The following PRKCE variants were observed in gnomAD, a reference collection of about 807,000 sequenced individuals.
PRKCE encodes protein kinase C epsilon type.
In PRKCE, 16 loss-of-function variants were observed where a neutral mutation model predicts 85.4. The ratio of observed to expected loss-of-function variants is 0.19; its 90% confidence interval spans 0.13 to 0.28. PRKCE has a LOEUF of 0.28. Among genes scored for constraint, PRKCE ranks in the 10% least tolerant of loss-of-function variants. The pLI is 1.00. For synonymous variants in PRKCE, 388 were observed against 371.5 expected (o/e 1.04, Z -0.51); for missense variants, 573 against 975.2 (o/e 0.59, Z 5.49).
rs550087635 is a variant in PRKCE, at chr2:46,001,756, A to G, written c.966+210A>G. 5.3e-5 allele frequency among the ~76,000 whole-genome samples: 8 copies of G among 152,376 alleles called. No homozygotes were observed. The highest frequency in any genetic ancestry group is 8.8e-5 in the Non-Finnish European group (6 of 68,024). On this transcript the variant is annotated intron_variant, in intron 7 of 14. Coordinates refer to ENST00000306156, the MANE Select transcript of PRKCE (RefSeq NM_005400.3). The surrounding 1 kb of genome is among the most constrained non-coding windows in gnomAD (Gnocchi z 4.4). ...AGCTCCAAAAGTGGACTGAAAACAC[A>G]GCAAGCCTCAAGGGTTACGTTTGCC... is the stretch of plus-strand genomic sequence containing the variant.
chr2:46,104,590 C>T (rs1045968444), intron 11 of PRKCE, among the ~76,000 whole-genome samples: 3 of 152,086 alleles, frequency 2.0e-5, no homozygotes, highest in African/African-American at 7.2e-5. Context: ...TTATGATCCT[C>T]TTATTAAGAG....
At chr2:45,864,436 C>A (rs1404139591) in intron 2 of PRKCE, among the ~76,000 whole-genome samples, 1 of 152,174 alleles carries the variant, frequency 6.6e-6, no homozygotes, top group Admixed American at 6.5e-5. Context: ...GAACAATAGA[C>A]TGTCCTAAGT....
intron 1 of PRKCE, among the ~76,000 whole-genome samples, chr2:45,675,071 A>G (rs558391086): frequency 2.0e-5 from 3 of 152,320 alleles, no homozygotes; most frequent in South Asian, 2.1e-4. Flanking sequence ...AAAGGAAGGG[A>G]TGAGGTGAGA....
chr2:45,851,373 A>G (rs1311021430), intron 2 of PRKCE, among the ~76,000 whole-genome samples: 1 of 152,226 alleles, frequency 6.6e-6, no homozygotes, highest in African/African-American at 2.4e-5. Context: ...AACTGGGGGC[A>G]CAGAAGTGAA....
At chr2:46,076,045 C>T (rs1436211926) in intron 10 of PRKCE, among the ~76,000 whole-genome samples, 2 of 152,190 alleles carry the variant, frequency 1.3e-5, no homozygotes, top group African/African-American at 4.8e-5. Context: ...ATGATTCAGC[C>T]TGGACATTGA....
chr2:45,972,715 G>C (rs1203127803), intron 2 of PRKCE, among the ~76,000 whole-genome samples: 1 of 152,218 alleles, frequency 6.6e-6, no homozygotes, highest in South Asian at 2.1e-4. Context: ...TTATTGAAGA[G>C]AATATCCTTT....
chr2:45,972,050 A>T (rs371840793), intron 2 of PRKCE, among the ~76,000 whole-genome samples: 5 of 152,200 alleles, frequency 3.3e-5, no homozygotes, highest in Non-Finnish European at 7.3e-5. Context: ...ACTGTTTCCT[A>T]TAGTGGCTGT....
intron 10 of PRKCE, among the ~76,000 whole-genome samples, chr2:46,065,916 C>T (rs978783093): frequency 1.3e-5 from 2 of 152,140 alleles, no homozygotes; most frequent in African/African-American, 4.8e-5. Context: ...TGCCTCTTGC[C>T]CATGGGGCCA....
In PRKCE at chr2:46,159,788, T is replaced by G; in HGVS notation, c.2067+36T>G. 1 of 1,596,366 alleles carries G rather than the reference T, an allele frequency of 6.3e-7. No individual in the cohort carries two copies. The highest frequency in any genetic ancestry group is 8.5e-7 in the Non-Finnish European group (1 of 1,178,784). ...CCCCGTGCACGTTCAGCACCATGGG[T>G]CGGGCCCAGGTACTTGCAGGACAGG... On this transcript the variant is annotated intron_variant, in intron 14 of 14. Transcript: ENST00000306156. This position sits in a 1 kb window ranked among gnomAD's most constrained non-coding sequence, Gnocchi z 4.1.
Position 45,805,889 on chromosome 2 carries a change from G to A in PRKCE, c.349-37111G>A, listed in dbSNP as rs1688207423. Among the ~76,000 whole-genome samples, 5 of 152,242 alleles carry A rather than the reference G, an allele frequency of 3.3e-5. No homozygotes were observed. The South Asian group carries it at 8.3e-4, about 25-fold the overall frequency. The stretch of plus-strand genomic sequence containing the variant: ...GCTGGGATTACAGGCGTGAGCCACC[G>A]CACCCAGCCTACATTACCTTCTTTA... On this transcript the variant is annotated intron_variant, in intron 1 of 14. Transcript: ENST00000306156.
At chr2:46,027,031 C>T (rs770005918) in intron 10 of PRKCE, among the ~76,000 whole-genome samples, 17 of 152,000 alleles carry the variant, frequency 1.1e-4, no homozygotes, top group Admixed American at 3.3e-4. Context: ...TAGCCTGGCA[C>T]GGTGATGTGT....
rs187313700 is a variant in PRKCE, at chr2:45,952,205, A to C, written c.413-24224A>C. Among the ~76,000 whole-genome samples the C allele has an allele frequency of 1.6e-3, 238 of 152,350 alleles. 4 individuals are homozygous for C. Among genetic ancestry groups the C allele is most frequent in the Admixed American group, 0.015 (235 of 15,300 alleles). On this transcript the variant is annotated intron_variant, in intron 2 of 14. Transcript: ENST00000306156. ...ACCTAGTCTGATTTTTCCATCACAT[A>C]GATAAACAACTGAAGCCCAGAGAAG... is the stretch of plus-strand genomic sequence containing the variant.
At chr2:45,685,453 T>A (rs953357331) in intron 1 of PRKCE, 1 of 152,162 alleles carries the variant, frequency 6.6e-6, no homozygotes, top group African/African-American at 2.4e-5. Flanking sequence ...CAATTGCTGT[T>A]ATTCACATGA....
Position 45,853,047 on chromosome 2 carries a change from T to A in PRKCE, c.412+9984T>A, listed in dbSNP as rs528354505. ...ATGCTGAGCAGGCACCAGTTCCTAC[T>A]TGATGGAAAACTAAGAAGGAAATGT... On this transcript the variant is annotated intron_variant, in intron 2 of 14. Coordinates refer to ENST00000306156, the MANE Select transcript of PRKCE (RefSeq NM_005400.3). Among the ~76,000 whole-genome samples the A allele has an allele frequency of 5.9e-5, 9 of 152,324 alleles. No individual in the cohort carries two copies. The South Asian group carries it at 1.2e-3, about 21-fold the overall frequency.
At chr2:45,745,198 C>T (rs1159210851) in intron 1 of PRKCE, among the ~76,000 whole-genome samples, 1 of 152,136 alleles carries the variant, frequency 6.6e-6, no homozygotes, top group Non-Finnish European at 1.5e-5. Context: ...CCATTCAATT[C>T]TGTGTATTCC....
chr2:45,709,265 C>T (rs905872997), intron 1 of PRKCE, among the ~76,000 whole-genome samples: 1 of 152,210 alleles, frequency 6.6e-6, no homozygotes, highest in Non-Finnish European at 1.5e-5. Flanking sequence ...CCCAGCCAGG[C>T]CAAGGTGGCA....
chr2:45,693,015 G>A (rs1677861530), intron 1 of PRKCE, among the ~76,000 whole-genome samples: 1 of 152,140 alleles, frequency 6.6e-6, no homozygotes, highest in Non-Finnish European at 1.5e-5. Flanking sequence ...ACTTGAGGCT[G>A]ACTGAGAGAT....
At chr2:46,134,852 G>T (rs1674800070) in intron 11 of PRKCE, among the ~76,000 whole-genome samples, 1 of 152,244 alleles carries the variant, frequency 6.6e-6, no homozygotes, top group Non-Finnish European at 1.5e-5. Flanking sequence ...TCACCCACAT[G>T]CTGGAAACAC....
rs1229391144 is a variant in PRKCE at position 45,693,606 on chromosome 2, G to A, written c.348+41158G>A. On this transcript the variant is annotated intron_variant, in intron 1 of 14. Coordinates refer to ENST00000306156, the MANE Select transcript of PRKCE (RefSeq NM_005400.3). ...GAGCTAGCTGAAAATAATGGAAAATGAGGAGGCTGTCGGATCTGACAGCTG... is the reference window on the plus strand; with the variant it reads ...GAGCTAGCTGAAAATAATGGAAAATAAGGAGGCTGTCGGATCTGACAGCTG... 2.0e-5 allele frequency among the ~76,000 whole-genome samples: 3 copies of A among 152,306 alleles called. 1 individual carries two copies. Among genetic ancestry groups the A allele is most frequent in the South Asian group, 4.1e-4 (2 of 4,828 alleles).
Sources: gnomAD v4.1 joint callset for allele counts (sites outside exome capture counted in the v4.1 genomes callset) on GRCh38, gnomAD v4.1.1 for gene constraint, Gnocchi (gnomAD v3.1) non-coding constraint, MANE v1.5 for transcripts, NCBI Gene and HGNC (gene_info 2026-07-23, HGNC 2026-07-21) for gene names.